Variants in TBC1D5 observed in about 807,000 individuals in gnomAD.
TBC1D5 encodes the protein TBC1 domain family, member 5.
TBC1D5 carries 75 observed loss-of-function variants against 100.3 expected under a neutral mutation model. The observed-to-expected ratio is 0.75, with a 90% CI of 0.62 to 0.91. TBC1D5 has a LOEUF of 0.91. Among genes scored for constraint, TBC1D5 ranks in the 40% least tolerant of loss-of-function variants. TBC1D5 has a pLI of 0.00. For synonymous variants in TBC1D5, 323 were observed against 325.6 expected (o/e 0.99, Z 0.09); for missense variants, 910 against 942.4 (o/e 0.97, Z 0.45).
intron 1 of TBC1D5, among the ~76,000 whole-genome samples, chr3:17,684,568 A>G (rs996444218): frequency 6.6e-6 from 1 of 152,082 alleles, no homozygotes; most frequent in Non-Finnish European, 1.5e-5. Context: ...CCCTTTCAAT[A>G]AGAGAGCCCT....
chr3:17,472,206 T>C (rs1181515839), intron 3 of TBC1D5, among the ~76,000 whole-genome samples: 1 of 151,640 alleles, frequency 6.6e-6, no homozygotes, highest in East Asian at 1.9e-4. Context: ...TGATGTGATC[T>C]CAGCTCACTA....
At chr3:17,408,799 T>A (rs1559823585) in intron 4 of TBC1D5, among the ~76,000 whole-genome samples, 1 of 152,126 alleles carries the variant, frequency 6.6e-6, no homozygotes, top group Non-Finnish European at 1.5e-5. Context: ...ATAATTAAGA[T>A]CTAACATTAT....
chr3:17,161,495 CAAAGT>C (rs997451033), intron 21 of TBC1D5, among the ~76,000 whole-genome samples: 4 of 152,254 alleles, frequency 2.6e-5, no homozygotes, highest in African/African-American at 9.6e-5. Flanking sequence ...CCTGGGGGAA[CAAAGT>C]AAAGCTCCTG....
At chr3:17,563,925 A>T (rs796256152) in intron 2 of TBC1D5, among the ~76,000 whole-genome samples, 1 of 151,898 alleles carries the variant, frequency 6.6e-6, no homozygotes, top group East Asian at 1.9e-4. Flanking sequence ...TGGGACTACA[A>T]GCGCCCGCCA....
intron 8 of TBC1D5, among the ~76,000 whole-genome samples, chr3:17,399,713 T>G (rs967608947): frequency 9.9e-5 from 15 of 152,090 alleles, no homozygotes; most frequent in Non-Finnish European, 2.2e-4. Context: ...TTTACTGTGG[T>G]CTACAAGACT....
intron 21 of TBC1D5, among the ~76,000 whole-genome samples, chr3:17,162,356 C>A (rs1412980772): frequency 1.3e-5 from 2 of 152,244 alleles, no homozygotes; most frequent in African/African-American, 2.4e-5. Flanking sequence ...GAATGAGTAA[C>A]AGCTCTCAGG....
chr3:17,440,342 T>C (rs995015163), intron 3 of TBC1D5, among the ~76,000 whole-genome samples: 3 of 152,120 alleles, frequency 2.0e-5, no homozygotes, highest in African/African-American at 4.8e-5. Context: ...AGAAGGGCTA[T>C]AGGCCAGGCA....
chr3:17,466,204 T>C (rs1576165530), intron 3 of TBC1D5, among the ~76,000 whole-genome samples: 1 of 152,210 alleles, frequency 6.6e-6, no homozygotes, highest in East Asian at 1.9e-4. Flanking sequence ...AGTAAGAATA[T>C]AAGTCAGTAT....
intron 19 of TBC1D5, among the ~76,000 whole-genome samples, chr3:17,183,862 G>A (rs2068724960): frequency 6.6e-6 from 1 of 152,232 alleles, no homozygotes. Flanking sequence ...GAAGGCCCCA[G>A]ATGCCTTGGT....
intron 3 of TBC1D5, among the ~76,000 whole-genome samples, chr3:17,458,279 T>C (rs2095131945): frequency 1.3e-5 from 2 of 152,120 alleles, no homozygotes; most frequent in Non-Finnish European, 1.5e-5. Flanking sequence ...ATACCCCAAC[T>C]GCAAAAAGAT....
At chr3:17,472,767 T>C (rs2095393131) in intron 3 of TBC1D5, among the ~76,000 whole-genome samples, 1 of 152,196 alleles carries the variant, frequency 6.6e-6, no homozygotes, top group African/African-American at 2.4e-5. Flanking sequence ...ATATTAAATA[T>C]TACAATAAAC....
At chr3:17,499,386 C>CTTTATGA (rs1553793908) in intron 3 of TBC1D5, among the ~76,000 whole-genome samples, 45 of 134,888 alleles carry the variant, frequency 3.3e-4, no homozygotes, top group African/African-American at 8.7e-4. Flanking sequence ...CTAAGCTATG[C>CTTTATGA]GGGCTGAAAG....
At chr3:17,428,551 G>A in intron 3 of TBC1D5, 32 bp from the exon 4 acceptor site, 1 of 1,220,144 alleles carries the variant, frequency 8.2e-7, no homozygotes, top group Non-Finnish European at 1.1e-6. Flanking sequence ...CTGAAATAAT[G>A]GAGATAAACT....
chr3:17,503,296 T>C lies in TBC1D5; in HGVS notation c.97+5178A>G, dbSNP rs565714098. On this transcript the variant is annotated intron_variant, in intron 3 of 21. Transcript: ENST00000253692. The stretch of plus-strand genomic sequence containing the variant: ...CTCATCCTTCAGGTTGTGGCTTAGA[T>C]AGACATCACACCTTCCTTGATCCAC... Among the ~76,000 whole-genome samples, 32 of 149,744 alleles carry C rather than the reference T, an allele frequency of 2.1e-4. 2 individuals are homozygous for C. Among genetic ancestry groups the C allele is most frequent in the Non-Finnish European group, 3.7e-4 (25 of 67,924 alleles).
intron 19 of TBC1D5, among the ~76,000 whole-genome samples, chr3:17,174,093 G>T (rs2067448482): frequency 6.6e-6 from 1 of 152,068 alleles, no homozygotes; most frequent in Non-Finnish European, 1.5e-5. Flanking sequence ...GACATGTCCT[G>T]CCTTTTCTTC....
intron 3 of TBC1D5, among the ~76,000 whole-genome samples, chr3:17,444,059 A>G (rs6789382): frequency 0.02 from 3,073 of 152,274 alleles, 105 homozygotes; most frequent in African/African-American, 0.069. Context: ...CTTAAAGAAT[A>G]AATGTAAAAA....
At chr3:17,253,309 A>T (rs1323933099) in intron 16 of TBC1D5, among the ~76,000 whole-genome samples, 5 of 152,214 alleles carry the variant, frequency 3.3e-5, no homozygotes, top group African/African-American at 1.2e-4. Context: ...AAGGACACTG[A>T]TGGCTATAGA....
chr3:17,487,486 G>C (rs2150452590), intron 3 of TBC1D5, among the ~76,000 whole-genome samples: 1 of 152,292 alleles, frequency 6.6e-6, no homozygotes, highest in Non-Finnish European at 1.5e-5. Flanking sequence ...AAAATTAGAT[G>C]TTAGAAGGTC....
At chr3:17,406,168 T>C (rs868572064) in intron 5 of TBC1D5, among the ~76,000 whole-genome samples, 22 of 152,244 alleles carry the variant, frequency 1.4e-4, no homozygotes, top group African/African-American at 4.8e-4. Flanking sequence ...GCTCTGAATT[T>C]GGCACCATCA....
Sources: gnomAD v4.1 joint callset for allele counts (sites outside exome capture counted in the v4.1 genomes callset) on GRCh38, gnomAD v4.1.1 for gene constraint, MANE v1.5 for transcripts, NCBI Gene and HGNC (gene_info 2026-07-23, HGNC 2026-07-21) for gene names.